Variants in CADM2 observed in about 807,000 individuals in gnomAD.
CADM2 encodes the protein cell adhesion molecule 2.
Under a neutral mutation model 49.8 loss-of-function variants are expected in CADM2, and 12 were observed. The observed-to-expected ratio is 0.24, with a 90% CI of 0.15 to 0.39. The LOEUF (loss-of-function observed/expected upper bound fraction) is 0.39. CADM2 is among the 10% of genes least tolerant of loss of function. The pLI, the probability that CADM2 is intolerant of heterozygous loss-of-function variation, is 1.00. For missense variants in CADM2, 378 were observed against 492.3 expected (o/e 0.77, Z 2.20); for synonymous variants, 214 against 175.4 (o/e 1.22, Z -1.74).
chr3:85,031,056 C>T (rs1025233367), intron 1 of CADM2, among the ~76,000 whole-genome samples: 1 of 152,096 alleles, frequency 6.6e-6, no homozygotes, highest in Non-Finnish European at 1.5e-5. Context: ...TGAAGATTTG[C>T]TGTGGTTACT....
chr3:85,886,761 A>G (rs1377329052), intron 5 of CADM2, among the ~76,000 whole-genome samples: 1 of 152,158 alleles, frequency 6.6e-6, no homozygotes, highest in Non-Finnish European at 1.5e-5. Context: ...AACTGGTTAA[A>G]CATCAATAAA....
rs1004140709 is a variant in CADM2 at position 85,251,491 on chromosome 3, C to T, written c.61+291823C>T. On this transcript the variant is annotated intron_variant, in intron 1 of 9. Coordinates refer to ENST00000383699, the MANE Select transcript of CADM2 (RefSeq NM_001167675.2). ...TTAATATCATGAACTTGTTTTTTCT[C>T]ATGAACTAATATAAGATTACTCAAA... Among the ~76,000 whole-genome samples the T allele has an allele frequency of 1.5e-4, 23 of 151,878 alleles. 1 individual carries two copies. Among genetic ancestry groups the T allele is most frequent in the Admixed American group, 1.4e-3 (22 of 15,236 alleles).
rs1449339165 is a variant in CADM2 at position 85,436,327 on chromosome 3, G to A, written c.62-290195G>A. Among the ~76,000 whole-genome samples, 4 of 152,226 alleles carry A rather than the reference G, an allele frequency of 2.6e-5. No homozygotes were observed. In the South Asian group the frequency reaches 8.3e-4, roughly 32 times the overall value. On this transcript the variant is annotated intron_variant, in intron 1 of 9. Coordinates refer to ENST00000383699, the MANE Select transcript of CADM2 (RefSeq NM_001167675.2). ...TCAGCTTAAGGAGATTTTGGGCTGA[G>A]ACGATGGGGTTTTCTAAATATACGA...
chr3:86,027,728 T>G (rs1734065764), intron 8 of CADM2, among the ~76,000 whole-genome samples: 4 of 152,104 alleles, frequency 2.6e-5, no homozygotes, highest in African/African-American at 9.7e-5. Context: ...TATGTAATAA[T>G]AATTTTTACT....
chr3:85,009,240 T>G (rs2033875757), intron 1 of CADM2, among the ~76,000 whole-genome samples: 1 of 152,180 alleles, frequency 6.6e-6, no homozygotes, highest in South Asian at 2.1e-4. Context: ...TCAGAGACAT[T>G]AAAGATAGAA....
rs528682986 is a variant in CADM2, at chr3:86,068,510, A to G, written c.*1727A>G. 3.3e-5 allele frequency: 5 copies of G among 152,048 alleles called. No homozygotes were observed. Among genetic ancestry groups the G allele is most frequent in the Non-Finnish European group, 7.4e-5 (5 of 67,832 alleles). The allele number at this position is 152,048 out of a possible 1,614,324, so 9.4% of individuals were successfully genotyped here. ...TTTTAAAAATAGTATTGTGGAATAT[A>G]TTTTTGGGTAATAAGAATGGTTGAG... is the stretch of plus-strand genomic sequence containing the variant. On this transcript the variant is annotated 3_prime_UTR_variant, in exon 10 of 10. Coordinates refer to ENST00000383699, the MANE Select transcript of CADM2 (RefSeq NM_001167675.2).
intron 1 of CADM2, among the ~76,000 whole-genome samples, chr3:85,187,924 T>C (rs548004363): frequency 6.6e-6 from 1 of 152,142 alleles, no homozygotes; most frequent in East Asian, 1.9e-4. Flanking sequence ...ATTAGGAGTG[T>C]TTTCATCTTT....
chr3:85,730,377 G>C (rs544190867), intron 2 of CADM2, among the ~76,000 whole-genome samples: 5 of 152,078 alleles, frequency 3.3e-5, no homozygotes, highest in African/African-American at 4.8e-5. Context: ...GGGAGGCGGA[G>C]CCTGCAGTGA....
intron 1 of CADM2, among the ~76,000 whole-genome samples, chr3:85,177,604 C>T (rs1049316414): frequency 2.7e-5 from 4 of 150,486 alleles, no homozygotes; most frequent in African/African-American, 9.8e-5. Flanking sequence ...TGCAGAAAAC[C>T]CAAAAATGTA....
In CADM2 at chr3:85,568,363, G is replaced by A. The variant is rs140137247; in HGVS notation, c.62-158159G>A. ...GAGAAGGCAGAGCCAGTAAAGAGTG[G>A]TAAGGATTGTTACCTACAATCTTTC... On this transcript the variant is annotated intron_variant, in intron 1 of 9. Coordinates refer to ENST00000383699, the MANE Select transcript of CADM2 (RefSeq NM_001167675.2). Among the ~76,000 whole-genome samples, 6 of 151,988 alleles carry A rather than the reference G, an allele frequency of 3.9e-5. No individual in the cohort carries two copies. In the East Asian group the frequency reaches 1.2e-3, roughly 30 times the overall value.
chr3:85,500,373 G>A (rs1165984444), intron 1 of CADM2, among the ~76,000 whole-genome samples: 2 of 152,132 alleles, frequency 1.3e-5, no homozygotes, highest in African/African-American at 4.8e-5. Flanking sequence ...TCCGAAATTG[G>A]AATGTTTGAT....
chr3:85,870,127 G>A (rs976975039), intron 3 of CADM2, among the ~76,000 whole-genome samples: 4 of 152,042 alleles, frequency 2.6e-5, no homozygotes, highest in African/African-American at 9.7e-5. Context: ...TCAAAATGCA[G>A]CACTGACTTG....
intron 5 of CADM2, among the ~76,000 whole-genome samples, chr3:85,891,310 C>T (rs1714404558): frequency 6.6e-6 from 1 of 152,126 alleles, no homozygotes; most frequent in Non-Finnish European, 1.5e-5. Flanking sequence ...AAGTTTAGTT[C>T]TGTGCAGTTT....
intron 3 of CADM2, among the ~76,000 whole-genome samples, chr3:85,848,688 T>G (rs2074976981): frequency 6.6e-6 from 1 of 152,206 alleles, no homozygotes; most frequent in Non-Finnish European, 1.5e-5. Flanking sequence ...TTTTACTATT[T>G]TTTCTAAATA....
In CADM2 at chr3:84,959,683, G is replaced by C; in HGVS notation, c.61+15G>C. The C allele has an allele frequency of 6.5e-7, 1 of 1,536,420 alleles. No individual in the cohort carries two copies. Among genetic ancestry groups the C allele is most frequent in the East Asian group, 2.4e-5 (1 of 40,864 alleles). On this transcript the variant is annotated intron_variant, in intron 1 of 9. Coordinates refer to ENST00000383699, the MANE Select transcript of CADM2 (RefSeq NM_001167675.2). ...CCTGCTACAAGGTAATCCCCGCCCC[G>C]GCGCAGGGAACATCAACTTCTCGCC...
intron 8 of CADM2, among the ~76,000 whole-genome samples, chr3:86,044,772 C>T (rs560342224): frequency 1.6e-4 from 25 of 152,138 alleles, no homozygotes; most frequent in Admixed American, 4.6e-4. Flanking sequence ...ATGTTTATTG[C>T]GGCACTATTC....
intron 1 of CADM2, among the ~76,000 whole-genome samples, chr3:85,187,620 C>T (rs1244114626): frequency 6.6e-6 from 1 of 152,002 alleles, no homozygotes; most frequent in East Asian, 1.9e-4. Context: ...TTGCAATTGG[C>T]AATTCTATAA....
At chr3:85,204,460 G>C (rs9837627) in intron 1 of CADM2, among the ~76,000 whole-genome samples, 1 of 151,942 alleles carries the variant, frequency 6.6e-6, no homozygotes, top group East Asian at 1.9e-4. Context: ...CCTTATTTAC[G>C]TTCCATCTCC....
At chr3:85,346,846 T>A (rs2030710293) in intron 1 of CADM2, among the ~76,000 whole-genome samples, 1 of 152,168 alleles carries the variant, frequency 6.6e-6, no homozygotes, top group Admixed American at 6.5e-5. Flanking sequence ...TAGGGAGAAA[T>A]TGCTTAAAAC....
Sources: gnomAD v4.1 joint callset for allele counts (sites outside exome capture counted in the v4.1 genomes callset) on GRCh38, gnomAD v4.1.1 for gene constraint, MANE v1.5 for transcripts, NCBI Gene and HGNC (gene_info 2026-07-23, HGNC 2026-07-21) for gene names.